SLC47A1: variants seen among roughly 807,000 people sequenced by gnomAD.
SLC47A1 encodes solute carrier family 47 member 1.
Under a neutral mutation model 65.8 loss-of-function variants are expected in SLC47A1, and 58 were observed. That is an observed-to-expected ratio of 0.88 (90% confidence interval 0.71 to 1.10). The LOEUF (loss-of-function observed/expected upper bound fraction) is 1.10. SLC47A1 is among the 50% of genes least tolerant of loss of function. The probability of loss-of-function intolerance (pLI) is 0.00; values close to 1 mark genes in which losing one functional copy is unlikely to be tolerated. For missense variants in SLC47A1, 706 were observed against 719.2 expected, an observed-to-expected ratio of 0.98 and a Z score of 0.21; for synonymous variants, 285 against 295.0, an observed-to-expected ratio of 0.97 and a Z score of 0.35.
chr17:19,559,971 G>A, intron 10 of SLC47A1: 4 of 527,076 alleles, frequency 7.6e-6, no homozygotes, highest in South Asian at 2.3e-5. Context: ...AAGCTCTGCA[G>A]CAAAGCCCAG....
intron 1 of SLC47A1, 92 bp downstream of exon 1, chr17:19,534,166 G>A: frequency 7.2e-7 from 1 of 1,379,716 alleles, no homozygotes; most frequent in Non-Finnish European, 9.5e-7. Flanking sequence ...GGGCTTTGGG[G>A]ACCGAGCGAG....
chr17:19,565,471 C>G (rs1245887579), intron 12 of SLC47A1, among the ~76,000 whole-genome samples: 1 of 152,090 alleles, frequency 6.6e-6, no homozygotes, highest in African/African-American at 2.4e-5. Flanking sequence ...TCACCAAATC[C>G]CTTGATTTGT....
chr17:19,573,119 T>C (rs1400427471), intron 16 of SLC47A1, among the ~76,000 whole-genome samples: 1 of 152,250 alleles, frequency 6.6e-6, no homozygotes, highest in Non-Finnish European at 1.5e-5. Context: ...CAGGCATTTC[T>C]AACACTTGGA....
intron 1 of SLC47A1, chr17:19,534,565 A>C: frequency 6.6e-6 from 1 of 152,596 alleles, no homozygotes; most frequent in Non-Finnish European, 1.5e-5. Flanking sequence ...GATCTAAATA[A>C]TCCCGAGGCA....
chr17:19,542,346 T>A (rs1442280165), intron 1 of SLC47A1, 47 bp from the exon 2 acceptor site: 1 of 1,471,174 alleles, frequency 6.8e-7, no homozygotes, highest in Non-Finnish European at 9.2e-7. Flanking sequence ...CAGGCTTCCC[T>A]GCAATGGTGG....
intron 2 of SLC47A1, among the ~76,000 whole-genome samples, chr17:19,543,553 T>A (rs1916209846): frequency 6.6e-6 from 1 of 152,072 alleles, no homozygotes; most frequent in South Asian, 2.1e-4. Flanking sequence ...TTGTCTGTCT[T>A]ACTGAGAGTC....
chr17:19,577,515 G>A lies in SLC47A1; in HGVS notation c.1675G>A (p.Val559Met). The change falls in exon 17 of 17, where the codon GTG (valine) becomes ATG (methionine). Residue 559 changes from valine (V) to methionine (M), a missense_variant. Val to Met is a conservative substitution (Grantham distance 21). Coordinates refer to ENST00000270570, the MANE Select transcript of SLC47A1 (RefSeq NM_018242.3). ...LLLGVFLILL[V>M]GILVRFYVRI... ...CCTGGGGGTCTTCTTAATCTTGCTG[G>A]TGGGGATTTTAGTGAGATTCTATGT... 1 of 1,614,186 alleles carries A rather than the reference G, an allele frequency of 6.2e-7. No individual in the cohort carries two copies. Among genetic ancestry groups the A allele is most frequent in the Non-Finnish European group, 8.5e-7 (1 of 1,180,028 alleles).
chr17:19,547,716 CTTTTT>C (rs1180263887), intron 3 of SLC47A1, among the ~76,000 whole-genome samples: 1 of 68,588 alleles, frequency 1.5e-5, no homozygotes, highest in Admixed American at 2.2e-4. Context: ...CCATGGGCTT[CTTTTT>C]TTTTTTTTTT....
At chr17:19,538,294 T>C (rs1281358131) in intron 1 of SLC47A1, among the ~76,000 whole-genome samples, 2 of 152,088 alleles carry the variant, frequency 1.3e-5, no homozygotes, top group African/African-American at 4.8e-5. Context: ...CAAAACAAAA[T>C]ACCCAAAAAA....
Position 19,551,412 on chromosome 17 carries a change from G to T in SLC47A1, c.499-12G>T. 6.3e-7 allele frequency: 1 copy of T among 1,586,102 alleles called. No individual in the cohort carries two copies. The highest frequency in any genetic ancestry group is 8.7e-7 in the Non-Finnish European group (1 of 1,154,588). ...TGAAACATTAACATTCATCTCTCTT[G>T]TTCTCTTGTAGGCAACCTTTCTTTA... On this transcript the variant is annotated splice_polypyrimidine_tract_variant and intron_variant, in intron 5 of 16. Transcript: ENST00000270570.
chr17:19,574,555 A>G (rs1378646596), intron 16 of SLC47A1, among the ~76,000 whole-genome samples: 1 of 152,198 alleles, frequency 6.6e-6, no homozygotes, highest in East Asian at 1.9e-4. Context: ...TTCTATAATG[A>G]TCTTCAGGGA....
rs377425190 is a variant in SLC47A1, at chr17:19,571,595, G to A, written c.1404+23G>A. The A allele has an allele frequency of 1.3e-3, 2,082 of 1,583,518 alleles. 10 individuals are homozygous for A. The highest frequency in any genetic ancestry group is 8.7e-4 in the Non-Finnish European group (1,007 of 1,154,844). Reference sequence around the variant, plus strand: ...CAGGTAACTATGTTCATTCTGTCCCGGTAAAGGTTCCTCTCCTAGAAAAAC... The same window carrying A: ...CAGGTAACTATGTTCATTCTGTCCCAGTAAAGGTTCCTCTCCTAGAAAAAC... On this transcript the variant is annotated intron_variant, in intron 15 of 16. Coordinates refer to ENST00000270570, the MANE Select transcript of SLC47A1 (RefSeq NM_018242.3).
At chr17:19,565,487 C>T (rs1319769269) in intron 12 of SLC47A1, among the ~76,000 whole-genome samples, 1 of 151,970 alleles carries the variant, frequency 6.6e-6, no homozygotes, top group Non-Finnish European at 1.5e-5. Context: ...TTTGTCTACA[C>T]TGACCAGATG....
rs372998429 is a variant in SLC47A1 at position 19,568,090 on chromosome 17, A to G, written c.1309+862A>G. 1.4e-4 allele frequency: 21 copies of G among 152,322 alleles called. 1 individual carries two copies. In the East Asian group the frequency reaches 3.1e-3, roughly 22 times the overall value. The allele number at this position is 152,322 out of a possible 1,614,324, so 9.4% of individuals were successfully genotyped here. On this transcript the variant is annotated intron_variant, in intron 14 of 16. Transcript: ENST00000270570. ...TAAATGATGATATGAAAACCTGGACATTTATCTTTGGGGTGAGTAGTGACT... is the reference window on the plus strand; with the variant it reads ...TAAATGATGATATGAAAACCTGGACGTTTATCTTTGGGGTGAGTAGTGACT...
intron 16 of SLC47A1, among the ~76,000 whole-genome samples, chr17:19,574,095 G>T (rs2084420677): frequency 1.3e-5 from 2 of 151,890 alleles, no homozygotes; most frequent in South Asian, 4.2e-4. Context: ...GCTAATTTTT[G>T]TATTTTTAGT....
chr17:19,569,892 C>T (rs1178227762), intron 14 of SLC47A1, among the ~76,000 whole-genome samples: 1 of 152,176 alleles, frequency 6.6e-6, no homozygotes, highest in Non-Finnish European at 1.5e-5. Context: ...AAAGAGGAAG[C>T]CAGTAGCTTG....
chr17:19,566,671 C>T (rs902176246), intron 12 of SLC47A1, 119 bp from the exon 13 acceptor site: 13 of 845,032 alleles, frequency 1.5e-5, no homozygotes, highest in Middle Eastern at 2.8e-4. Flanking sequence ...GTGATCCTCC[C>T]GCCTCAGCCT....
intron 14 of SLC47A1, chr17:19,567,605 A>G: frequency 4.2e-6 from 1 of 240,912 alleles, no homozygotes; most frequent in Non-Finnish European, 8.2e-6. Context: ...GCTGTTCTTT[A>G]GAGACAGCAT....
rs573063060 is a variant in SLC47A1 at position 19,571,181 on chromosome 17, C to A, written c.1310-297C>A. 2.6e-5 allele frequency among the ~76,000 whole-genome samples: 4 copies of A among 151,872 alleles called. No individual in the cohort carries two copies. In the East Asian group the frequency reaches 7.7e-4, roughly 29 times the overall value. Reference sequence around the variant, plus strand: ...ACTGGCATTTTTCTTAATATTCAAGCATTATAATCAGTAAGGCCAAAAATA... The same window carrying A: ...ACTGGCATTTTTCTTAATATTCAAGAATTATAATCAGTAAGGCCAAAAATA... On this transcript the variant is annotated intron_variant, in intron 14 of 16. Coordinates refer to ENST00000270570, the MANE Select transcript of SLC47A1 (RefSeq NM_018242.3).
Sources: allele counts gnomAD v4.1 joint callset (sites outside exome capture counted in the v4.1 genomes callset), GRCh38; gene constraint gnomAD v4.1.1; transcripts MANE v1.5; gene names NCBI Gene and HGNC (gene_info 2026-07-23, HGNC 2026-07-21).